MATN2: variants seen among roughly 807,000 people sequenced by gnomAD.
The protein encoded by MATN2 is matrilin-2.
A neutral mutation model predicts 103.2 loss-of-function variants in MATN2; 69 were observed. The observed-to-expected ratio is 0.67, with a 90% CI of 0.55 to 0.82. The LOEUF (loss-of-function observed/expected upper bound fraction) is 0.82, where lower values mean the gene tolerates loss of function less well. Among genes scored for constraint, MATN2 ranks in the 40% least tolerant of loss-of-function variants. MATN2 has a pLI of 0.00. For synonymous variants in MATN2, 429 were observed against 450.2 expected, an observed-to-expected ratio of 0.95 and a Z score of 0.60; for missense variants, 1,023 against 1,211.5, an observed-to-expected ratio of 0.84 and a Z score of 2.31.
At chr8:97,994,395 GA>G in intron 6 of MATN2, 84 bp from the exon 7 acceptor site, 1 of 1,457,650 alleles carries the variant, frequency 6.9e-7, no homozygotes, top group Admixed American at 2.1e-5. Context: ...ACCTGTTTGG[GA>G]AAATGAAGAC....
intron 2 of MATN2, among the ~76,000 whole-genome samples, chr8:97,925,429 A>G (rs1809960077): frequency 6.6e-6 from 1 of 152,060 alleles, no homozygotes; most frequent in Non-Finnish European, 1.5e-5. Context: ...CAAGCAAGTT[A>G]TCTAACCTCT....
chr8:97,978,911 C>A lies in MATN2; in HGVS notation c.984C>A (p.Asn328Lys). The change falls in exon 6 of 19, where the codon AAC becomes AAA. Residue 328 changes from asparagine to lysine, a missense_variant. Transcript: ENST00000254898. ...CVAVDYCASENHGCEHECVNA... is the reference protein window; with the variant it reads ...CVAVDYCASEKHGCEHECVNA... Reference sequence around the variant, plus strand: ...CTGTGGACTACTGTGCCTCAGAAAACCACGGATGTGAACATGAGTGTGTAA... The same window carrying A: ...CTGTGGACTACTGTGCCTCAGAAAAACACGGATGTGAACATGAGTGTGTAA... 6.2e-7 allele frequency: 1 copy of A among 1,613,846 alleles called. No homozygotes were observed. Among genetic ancestry groups the A allele is most frequent in the Non-Finnish European group, 8.5e-7 (1 of 1,179,802 alleles).
chr8:98,029,789 T>C (rs541117435), intron 14 of MATN2, among the ~76,000 whole-genome samples: 4 of 152,328 alleles, frequency 2.6e-5, no homozygotes, highest in Admixed American at 6.5e-5. Context: ...CATATTCTTA[T>C]TGTGTTTTAC....
Position 98,007,136 on chromosome 8 carries a change from C to G in MATN2, c.1359C>G (p.Gly453=). ...ACCACTGTGCACAGCAGGACCATGG[C>G]TGTGAGCAGCTGTGTCTGAACACGG... ...RVDHCAQQDH[G]CEQLCLNTED... Residue 453 remains glycine (G), a synonymous_variant, in exon 9 of 19, where the codon GGC becomes GGG. Coordinates refer to ENST00000254898, the MANE Select transcript of MATN2 (RefSeq NM_002380.5). This position sits in a 1 kb window ranked among gnomAD's most constrained non-coding sequence, Gnocchi z 4.2. The G allele has an allele frequency of 6.2e-7, 1 of 1,612,584 alleles. No homozygotes were observed. Among genetic ancestry groups the G allele is most frequent in the Non-Finnish European group, 8.5e-7 (1 of 1,179,364 alleles).
rs547341862 is a variant in MATN2, at chr8:97,954,419, A to G, written c.836-6989A>G. ...GTTTACTATCAATCTTCTATCAGGT[A>G]TGTGCTGCTAAATGTTTAACAATCA... On this transcript the variant is annotated intron_variant, in intron 4 of 18. Transcript: ENST00000254898. Among the ~76,000 whole-genome samples, 50 of 152,306 alleles carry G rather than the reference A, an allele frequency of 3.3e-4. No homozygotes were observed. The South Asian group carries it at 9.5e-3, about 29-fold the overall frequency.
intron 2 of MATN2, among the ~76,000 whole-genome samples, chr8:97,901,568 GT>G (rs1415621473): frequency 1.3e-5 from 2 of 152,214 alleles, no homozygotes. Context: ...ATACTATTTT[GT>G]TTCATAATTT....
Position 98,036,512 on chromosome 8 carries a change from G to T in MATN2, c.*800G>T, listed in dbSNP as rs1311204184. On this transcript the variant is annotated 3_prime_UTR_variant, in exon 19 of 19. Coordinates refer to ENST00000254898, the MANE Select transcript of MATN2 (RefSeq NM_002380.5). ...AAATGCACACAACCCTGTAAATCTA[G>T]CAACTGCACTCAGTTGATTTCAGCC... 6.6e-6 allele frequency: 1 copy of T among 152,182 alleles called. No homozygotes were observed. Among genetic ancestry groups the T allele is most frequent in the Non-Finnish European group, 1.5e-5 (1 of 68,038 alleles). 9.4% of individuals were successfully genotyped at this position (152,182 alleles called of 1,614,324 possible). A position where few individuals can be genotyped will look rare whatever the true frequency, so the allele number is the denominator to read the frequency against.
Position 97,941,770 on chromosome 8 carries a change from C to T in MATN2, c.713-7C>T. The T allele has an allele frequency of 6.3e-7, 1 of 1,580,312 alleles. No individual in the cohort carries two copies. Among genetic ancestry groups the T allele is most frequent in the Non-Finnish European group, 8.6e-7 (1 of 1,162,704 alleles). On this transcript the variant is annotated splice_region_variant and splice_polypyrimidine_tract_variant and intron_variant, in intron 3 of 18. Transcript: ENST00000254898. ...GTTGACTTACCTTCCTGTGTCTTCC[C>T]TTTCAGCGGCCCATATGTGCAGCAC...
At chr8:98,020,024 C>T (rs1393353359) in intron 12 of MATN2, among the ~76,000 whole-genome samples, 1 of 152,220 alleles carries the variant, frequency 6.6e-6, no homozygotes, top group Non-Finnish European at 1.5e-5. Context: ...CCTGGCCTAA[C>T]TCTGCAGGGA....
At chr8:98,012,609 C>T (rs1009070013) in intron 10 of MATN2, among the ~76,000 whole-genome samples, 5 of 152,098 alleles carry the variant, frequency 3.3e-5, no homozygotes, top group African/African-American at 4.8e-5. Flanking sequence ...GGGACGCCGG[C>T]GGGACACATC....
chr8:97,965,401 C>G (rs1811447781), intron 5 of MATN2, among the ~76,000 whole-genome samples: 1 of 152,012 alleles, frequency 6.6e-6, no homozygotes, highest in Admixed American at 6.6e-5. Flanking sequence ...AGTGGGAAGA[C>G]CAGATAGGAG....
chr8:97,947,307 G>T (rs1031787671), intron 4 of MATN2, among the ~76,000 whole-genome samples: 4 of 152,188 alleles, frequency 2.6e-5, no homozygotes, highest in African/African-American at 9.7e-5. Context: ...GGGAGGTGTA[G>T]GTTGTGAGCC....
intron 2 of MATN2, among the ~76,000 whole-genome samples, chr8:97,893,609 G>T (rs1818709178): frequency 7.2e-6 from 1 of 139,602 alleles, no homozygotes; most frequent in Non-Finnish European, 1.6e-5. Context: ...ATAGAGTCTT[G>T]CTGTGTCACC....
intron 1 of MATN2, 75 bp from the exon 2 acceptor site, chr8:97,888,000 G>A (rs529603732): frequency 1.7e-5 from 24 of 1,399,468 alleles, no homozygotes; most frequent in South Asian, 1.2e-4. Context: ...GCGGGGCAGC[G>A]GGCCTGCAGC....
chr8:98,006,447 C>A (rs1301192455), intron 8 of MATN2, among the ~76,000 whole-genome samples: 1 of 152,186 alleles, frequency 6.6e-6, no homozygotes, highest in African/African-American at 2.4e-5. Context: ...AAGAAAGCAA[C>A]CATCAACATC....
intron 4 of MATN2, among the ~76,000 whole-genome samples, chr8:97,943,432 CTT>C (rs1810640933): frequency 6.6e-6 from 1 of 150,834 alleles, no homozygotes; most frequent in African/African-American, 2.4e-5. Flanking sequence ...TCTCCTTCTC[CTT>C]CTCCTCCTCC....
chr8:97,932,482 C>A (rs1810231547), intron 3 of MATN2, among the ~76,000 whole-genome samples: 1 of 152,196 alleles, frequency 6.6e-6, no homozygotes. Flanking sequence ...CCTCTCGGAG[C>A]CCCTGAGCTG....
At chr8:97,963,634 C>T (rs1350187336) in intron 5 of MATN2, among the ~76,000 whole-genome samples, 3 of 151,938 alleles carry the variant, frequency 2.0e-5, no homozygotes, top group Non-Finnish European at 4.4e-5. Context: ...CGGAGATGGG[C>T]GTTTCTCTGC....
chr8:97,980,929 C>T (rs1274097723), intron 6 of MATN2, among the ~76,000 whole-genome samples: 1 of 152,072 alleles, frequency 6.6e-6, no homozygotes, highest in Non-Finnish European at 1.5e-5. Context: ...GTAATCCCAG[C>T]ACTTTGGGAA....
Sources: gnomAD v4.1 joint callset for allele counts (sites outside exome capture counted in the v4.1 genomes callset) on GRCh38, gnomAD v4.1.1 for gene constraint, Gnocchi (gnomAD v3.1) non-coding constraint, MANE v1.5 for transcripts, NCBI Gene and HGNC (gene_info 2026-07-23, HGNC 2026-07-21) for gene names.